BAIAP2L1: variants seen among roughly 807,000 people sequenced by gnomAD.
BAIAP2L1 encodes the protein BAR/IMD domain-containing adapter protein 2-like 1.
A neutral mutation model predicts 66.3 loss-of-function variants in BAIAP2L1; 35 were observed. The observed-to-expected ratio is 0.53, with a 90% CI of 0.40 to 0.70. The LOEUF is 0.70. Ranked by LOEUF, BAIAP2L1 falls within the 30% of genes least tolerant of loss-of-function variation. BAIAP2L1 has a pLI of 0.00. For synonymous variants in BAIAP2L1, 269 were observed against 248.7 expected (o/e 1.08, Z -0.77); for missense variants, 622 against 656.9 (o/e 0.95, Z 0.58).
intron 3 of BAIAP2L1, among the ~76,000 whole-genome samples, chr7:98,335,316 T>C (rs1801593603): frequency 1.8e-5 from 1 of 55,750 alleles, no homozygotes; most frequent in Admixed American, 1.8e-4. Flanking sequence ...TTACATATCA[T>C]ACCCTGACAC....
At position 98,347,948 on chromosome 7, in the gene BAIAP2L1, G is replaced by T. The variant is rs533580688; in HGVS notation, c.214+7094C>A. 3.9e-5 allele frequency among the ~76,000 whole-genome samples: 6 copies of T among 152,062 alleles called. No homozygotes were observed. In the South Asian group the frequency reaches 1.2e-3, roughly 32 times the overall value. ...AGTAGGAGCTGAACAATGAGAACATGGACATAGGGAGGGGAACATCACACA... is the reference window on the plus strand; with the variant it reads ...AGTAGGAGCTGAACAATGAGAACATTGACATAGGGAGGGGAACATCACACA... On this transcript the variant is annotated intron_variant, in intron 3 of 13. Transcript: ENST00000005260.
chr7:98,347,646 G>A (rs955350166), intron 3 of BAIAP2L1, among the ~76,000 whole-genome samples: 1 of 152,032 alleles, frequency 6.6e-6, no homozygotes, highest in African/African-American at 2.4e-5. Flanking sequence ...GCCGTGGCAG[G>A]CGCCTGTAGT....
chr7:98,353,675 T>C (rs1336538184), intron 3 of BAIAP2L1, among the ~76,000 whole-genome samples: 6 of 143,110 alleles, frequency 4.2e-5, no homozygotes, highest in Non-Finnish European at 9.0e-5. Context: ...TAAATAATAT[T>C]ATGGCTGGGC....
chr7:98,377,095 T>C (rs1345312615), intron 1 of BAIAP2L1, among the ~76,000 whole-genome samples: 1 of 152,194 alleles, frequency 6.6e-6, no homozygotes, highest in Non-Finnish European at 1.5e-5. Flanking sequence ...CTACAGATCT[T>C]GGACTAGTCA....
At chr7:98,379,168 C>T (rs1027101789) in intron 1 of BAIAP2L1, among the ~76,000 whole-genome samples, 3 of 152,144 alleles carry the variant, frequency 2.0e-5, no homozygotes, top group Non-Finnish European at 4.4e-5. Flanking sequence ...CATGAGCCAC[C>T]GAGCCTGGCC....
rs955387574 is a variant in BAIAP2L1, at chr7:98,304,312, G to C, written c.1306C>G (p.Pro436Ala). ...LSENSSVVIP[P>A]PDYLECLSMG... is the part of the protein sequence containing the mutation. ...GACAAGCATTCCAAGTAGTCGGGTG[G>C]GGGGATGACAACACTGCTATTCTCA... Residue 436 changes from proline to alanine, a missense_variant, in exon 12 of 14, where the codon CCA becomes GCA. Pro to Ala is a conservative substitution (Grantham distance 27). Coordinates refer to ENST00000005260, the MANE Select transcript of BAIAP2L1 (RefSeq NM_018842.5). 1.2e-6 allele frequency: 2 copies of C among 1,613,284 alleles called. No homozygotes were observed. The highest frequency in any genetic ancestry group is 1.7e-6 in the Non-Finnish European group (2 of 1,179,670).
chr7:98,397,857 T>C (rs981398391), intron 1 of BAIAP2L1, among the ~76,000 whole-genome samples: 2 of 152,168 alleles, frequency 1.3e-5, no homozygotes, highest in Non-Finnish European at 2.9e-5. Flanking sequence ...TTGGGGCTTA[T>C]AACATCGTTT....
At chr7:98,380,449 G>A (rs116350509) in intron 1 of BAIAP2L1, among the ~76,000 whole-genome samples, 1,746 of 152,078 alleles carry the variant, frequency 0.011, 38 homozygotes, top group African/African-American at 0.04. Context: ...TGATAAAGCA[G>A]CAAAAGCGGA....
rs777626802 is a variant in BAIAP2L1, at chr7:98,310,438, C to A, written c.955+7G>T. On this transcript the variant is annotated splice_region_variant and intron_variant, in intron 9 of 13. Transcript: ENST00000005260. ...TATCTTCAAATAAATCAGACTGAAT[C>A]TCTTACCTGTTGAATTATTTACCCT... 1 of 1,580,968 alleles carries A rather than the reference C, an allele frequency of 6.3e-7. No homozygotes were observed. The highest frequency in any genetic ancestry group is 8.6e-7 in the Non-Finnish European group (1 of 1,169,312).
chr7:98,397,671 CTTAA>C (rs1207450800), intron 1 of BAIAP2L1, among the ~76,000 whole-genome samples: 42 of 152,054 alleles, frequency 2.8e-4, no homozygotes. Context: ...TGTGGCTGCT[CTTAA>C]TTAAGGGTTT....
intron 1 of BAIAP2L1, chr7:98,386,564 C>A: frequency 1.3e-6 from 2 of 1,596,922 alleles, no homozygotes; most frequent in South Asian, 2.2e-5. Flanking sequence ...TCGTAAGGCG[C>A]TTGTTCTTGC....
At chr7:98,397,005 T>C (rs978951227) in intron 1 of BAIAP2L1, among the ~76,000 whole-genome samples, 5 of 152,140 alleles carry the variant, frequency 3.3e-5, no homozygotes, top group Non-Finnish European at 7.4e-5. Flanking sequence ...GTGCTTGGAA[T>C]ACAAAAACAA....
chr7:98,392,844 G>T (rs568160243), intron 1 of BAIAP2L1, among the ~76,000 whole-genome samples: 1 of 150,104 alleles, frequency 6.7e-6, no homozygotes, highest in East Asian at 2.0e-4. Context: ...CCAGGCTGGA[G>T]TACAGTGGTG....
chr7:98,360,659 GA>G (rs1184300321), intron 2 of BAIAP2L1, among the ~76,000 whole-genome samples: 1 of 150,180 alleles, frequency 6.7e-6, no homozygotes, highest in Non-Finnish European at 1.5e-5. Context: ...ATGCTAGAAA[GA>G]AAAAAAAACT....
chr7:98,377,915 G>A (rs1234302679), intron 1 of BAIAP2L1, among the ~76,000 whole-genome samples: 1 of 150,946 alleles, frequency 6.6e-6, no homozygotes, highest in African/African-American at 2.4e-5. Flanking sequence ...ATCACCTGAG[G>A]TCAGGAGTTC....
At position 98,317,359 on chromosome 7, in the gene BAIAP2L1, G is replaced by GT. The variant is rs772557985; in HGVS notation, c.349-4dup. The GT allele has an allele frequency of 6.2e-7, 1 of 1,613,268 alleles. No homozygotes were observed. The highest frequency in any genetic ancestry group is 1.1e-5 in the South Asian group (1 of 91,000). ...GTTTGGTATCTTTTTAGAGTTGCCT[G>GT]TAAGTTAAATGGCTGTGCTTATTTT... On this transcript the variant is annotated splice_polypyrimidine_tract_variant and splice_region_variant and intron_variant, in intron 5 of 13. Coordinates refer to ENST00000005260, the MANE Select transcript of BAIAP2L1 (RefSeq NM_018842.5).
chr7:98,353,652 AT>A (rs1361833897), intron 3 of BAIAP2L1, among the ~76,000 whole-genome samples: 2 of 140,280 alleles, frequency 1.4e-5, no homozygotes, highest in South Asian at 2.1e-4. Flanking sequence ...TATTATATAT[AT>A]TTTTATATAT....
chr7:98,310,403 A>C (rs766860594), intron 9 of BAIAP2L1, 42 bp downstream of exon 9: 6 of 1,553,734 alleles, frequency 3.9e-6, no homozygotes, highest in Non-Finnish European at 3.5e-6. Context: ...CTTAAAACAA[A>C]TGTAAAAGGT....
chr7:98,396,638 T>C (rs946154047), intron 1 of BAIAP2L1, among the ~76,000 whole-genome samples: 3 of 152,004 alleles, frequency 2.0e-5, no homozygotes, highest in Admixed American at 6.6e-5. Context: ...TATCAAAAAA[T>C]GCAAAAATTT....
Sources: allele counts gnomAD v4.1 joint callset (sites outside exome capture counted in the v4.1 genomes callset), GRCh38; gene constraint gnomAD v4.1.1; transcripts MANE v1.5; gene names NCBI Gene and HGNC (gene_info 2026-07-23, HGNC 2026-07-21).